The following DRC7 variants were observed in gnomAD, a reference collection of about 807,000 sequenced individuals.
DRC7 encodes the protein coiled-coil domain containing 135.
DRC7 carries 80 observed loss-of-function variants against 104.4 expected under a neutral mutation model. That is an observed-to-expected ratio of 0.77 (90% confidence interval 0.64 to 0.92). The LOEUF (loss-of-function observed/expected upper bound fraction) is 0.92, where lower values mean the gene tolerates loss of function less well. Among genes scored for constraint, DRC7 ranks in the 40% least tolerant of loss-of-function variants. DRC7 has a pLI of 0.00. For synonymous variants in DRC7, 405 were observed against 447.3 expected (o/e 0.91, Z 1.19); for missense variants, 1,034 against 1,141.1 (o/e 0.91, Z 1.35).
chr16:57,711,432 T>A (rs999654111), intron 8 of DRC7, among the ~76,000 whole-genome samples: 12 of 152,318 alleles, frequency 7.9e-5, no homozygotes, highest in African/African-American at 2.9e-4. Flanking sequence ...CCAGTGAGGA[T>A]TCGTGGCTTT....
intron 14 of DRC7, chr16:57,726,538 C>T (rs1361690283): frequency 3.5e-6 from 2 of 566,264 alleles, no homozygotes; most frequent in Non-Finnish European, 6.3e-6. Context: ...TCAGGGCAAA[C>T]CTCAGATCCT....
At position 57,726,119 on chromosome 16, in the gene DRC7, G is replaced by A. The variant is rs116471318; in HGVS notation, c.1810G>A (p.Val604Met). The A allele has an allele frequency of 1.4e-5, 23 of 1,613,314 alleles. No individual in the cohort carries two copies. In the East Asian group the frequency reaches 3.6e-4, roughly 25 times the overall value. ...RNPAKPAEEDVAERVFLVAEE... is the reference protein window; with the variant it reads ...RNPAKPAEEDMAERVFLVAEE... The stretch of plus-strand genomic sequence containing the variant: ...CCCAGCGAAGCCCGCGGAGGAGGAC[G>A]TGGCAGAGCGCGTGTTTCTGGTCGC... Residue 604 changes from valine (V) to methionine (M), a missense_variant, in exon 14 of 19, where the codon GTG (valine) becomes ATG (methionine). By Grantham distance (21) the Val-to-Met change is conservative. Coordinates refer to ENST00000360716, the MANE Select transcript of DRC7 (RefSeq NM_001289162.2).
chr16:57,728,701 A>G (rs2148775016), intron 17 of DRC7, 117 bp downstream of exon 17: 2 of 776,866 alleles, frequency 2.6e-6, no homozygotes, highest in South Asian at 2.2e-5. Context: ...GACGGGATGA[A>G]TATGTCAATG....
chr16:57,724,034 C>T (rs780435574), intron 12 of DRC7, among the ~76,000 whole-genome samples: 2 of 152,052 alleles, frequency 1.3e-5, no homozygotes, highest in Admixed American at 6.6e-5. Flanking sequence ...AAAACGTGTA[C>T]GCTTTTGGCT....
chr16:57,697,972 T>TGGA lies in DRC7; in HGVS notation c.38_40dup (p.Glu13dup), dbSNP rs143282103. The TGGA allele has an allele frequency of 1.9e-6, 3 of 1,606,420 alleles. No homozygotes were observed. The highest frequency in any genetic ancestry group is 2.3e-5 in the East Asian group (1 of 44,398). ...AGAATGGAGGTCCTGAGGGAGAAGG[T>TGGA]GGAGGAGGAGGAGGAGGCCGAGCGG... On this transcript the variant is annotated inframe_insertion, in exon 3 of 19. Transcript: ENST00000360716.
rs1420767330 is a variant in DRC7, at chr16:57,726,168, A to C, written c.1859A>C (p.Tyr620Ser). The C allele has an allele frequency of 6.2e-7, 1 of 1,613,134 alleles. No individual in the cohort carries two copies. The highest frequency in any genetic ancestry group is 1.1e-5 in the South Asian group (1 of 91,082). Reference sequence around the variant, plus strand: ...GCGGAGGAGCGCATCCAGCTGCGCTACCACTGCCGTGAGGACCACATCACG... The same window carrying C: ...GCGGAGGAGCGCATCCAGCTGCGCTCCCACTGCCGTGAGGACCACATCACG... ...LVAEERIQLR[Y>S]HCREDHITAS... Residue 620 changes from tyrosine to serine, a missense_variant, in exon 14 of 19, where the codon TAC becomes TCC. Transcript: ENST00000360716.
In DRC7 at chr16:57,704,376, TAC is replaced by T. The variant is rs55873452; in HGVS notation, c.700-471_700-470del. On this transcript the variant is annotated intron_variant, in intron 6 of 18. Transcript: ENST00000360716. ...GCACACATTTGTAGACACGCAAGCG[TAC>T]ACACACACACACACACACACACACA... Among the ~76,000 whole-genome samples the T allele has an allele frequency of 5.0e-3, 744 of 148,716 alleles. 13 individuals are homozygous for T. Among genetic ancestry groups the T allele is most frequent in the South Asian group, 0.038 (179 of 4,684 alleles).
At chr16:57,708,620 G>T (rs1288900486) in intron 8 of DRC7, among the ~76,000 whole-genome samples, 1 of 152,146 alleles carries the variant, frequency 6.6e-6, no homozygotes, top group African/African-American at 2.4e-5. Context: ...TAACTACTGA[G>T]GGGTGGAATC....
Position 57,724,780 on chromosome 16 carries a change from C to G in DRC7, c.1703C>G (p.Pro568Arg). 2 of 1,613,746 alleles carry G rather than the reference C, an allele frequency of 1.2e-6. No individual in the cohort carries two copies. Among genetic ancestry groups the G allele is most frequent in the Non-Finnish European group, 8.5e-7 (1 of 1,179,992 alleles). The change falls in exon 13 of 19, where the codon CCC becomes CGC. Residue 568 changes from proline to arginine, a missense_variant. Physicochemically the swap from Pro to Arg is moderately radical, Grantham distance 103. Transcript: ENST00000360716. ...FLSYRHASFGPRVKKLTLSSA... is the reference protein window; with the variant it reads ...FLSYRHASFGRRVKKLTLSSA... ...TCCTACCGCCATGCCAGCTTCGGAC[C>G]CCGAGTCAAGAAGCTCACTCTGAGC...
At position 57,731,491 on chromosome 16, in the gene DRC7, C is replaced by A. The variant is rs186721800; in HGVS notation, c.*233C>A. ...GCGCTTCACAAGCTCCAGCAGCAGC[C>A]TTTCTCTTCTTCTGTTATCTATAGC... On this transcript the variant is annotated 3_prime_UTR_variant, in exon 19 of 19. Transcript: ENST00000360716. 1.1e-3 allele frequency: 643 copies of A among 565,364 alleles called. 2 individuals are homozygous for A. The highest frequency in any genetic ancestry group is 0.011 in the African/African-American group (597 of 53,246). The allele number at this position is 565,364 out of a possible 1,614,324, so 35.0% of individuals were successfully genotyped here. A position where few individuals can be genotyped will look rare whatever the true frequency, so the allele number is the denominator to read the frequency against.
At chr16:57,726,311 G>A (rs1437047235) in intron 14 of DRC7, 28 bp downstream of exon 14, 1 of 1,592,976 alleles carries the variant, frequency 6.3e-7, no homozygotes, top group African/African-American at 1.3e-5. Flanking sequence ...GGCGGGCAGG[G>A]GTCGGCTGCA....
chr16:57,727,670 G>T (rs1000791692), intron 16 of DRC7, among the ~76,000 whole-genome samples: 1 of 152,202 alleles, frequency 6.6e-6, no homozygotes, highest in African/African-American at 2.4e-5. Flanking sequence ...TTAAAATTAT[G>T]TGCCCACCTC....
chr16:57,723,997 G>C (rs1221941899), intron 12 of DRC7, among the ~76,000 whole-genome samples: 1 of 152,120 alleles, frequency 6.6e-6, no homozygotes, highest in Non-Finnish European at 1.5e-5. Context: ...CTGGAGGACA[G>C]TTGGGCAAAA....
chr16:57,730,151 G>A (rs1408807752), intron 17 of DRC7, among the ~76,000 whole-genome samples: 2 of 126,454 alleles, frequency 1.6e-5, no homozygotes, highest in Non-Finnish European at 3.1e-5. Context: ...GTGGATGGAT[G>A]GATGGATGGA....
chr16:57,724,534 TG>T, intron 12 of DRC7, 80 bp from the exon 13 acceptor site: 1 of 965,070 alleles, frequency 1.0e-6, no homozygotes, highest in Non-Finnish European at 1.6e-6. Context: ...TCCCTGGGCC[TG>T]GGGTTGGGCG....
intron 2 of DRC7, among the ~76,000 whole-genome samples, 194 bp downstream of exon 2, chr16:57,696,788 C>T (rs758916469): frequency 6.6e-6 from 1 of 152,224 alleles, no homozygotes; most frequent in Non-Finnish European, 1.5e-5. Context: ...GGTGCAGGCA[C>T]CTTCACTCTC....
intron 8 of DRC7, among the ~76,000 whole-genome samples, chr16:57,710,734 T>G (rs2048784308): frequency 6.6e-6 from 1 of 152,226 alleles, no homozygotes; most frequent in Non-Finnish European, 1.5e-5. Context: ...TTTTTCTGAG[T>G]CTATTGAGAT....
At chr16:57,695,101 G>T (rs138588591) in intron 1 of DRC7, among the ~76,000 whole-genome samples, 2 of 152,212 alleles carry the variant, frequency 1.3e-5, no homozygotes, top group East Asian at 3.9e-4. Context: ...CCCCACACTG[G>T]GCTATAGCTG....
chr16:57,701,064 T>C (rs1265859860), intron 5 of DRC7, among the ~76,000 whole-genome samples: 1 of 152,184 alleles, frequency 6.6e-6, no homozygotes, highest in East Asian at 1.9e-4. Context: ...TATCTTAGGC[T>C]AAACTTTTTT....
Sources: gnomAD v4.1 joint callset for allele counts (sites outside exome capture counted in the v4.1 genomes callset) on GRCh38, gnomAD v4.1.1 for gene constraint, MANE v1.5 for transcripts, NCBI Gene and HGNC (gene_info 2026-07-23, HGNC 2026-07-21) for gene names.